Variants in RAB11FIP4 observed in about 807,000 individuals in gnomAD.
The protein encoded by RAB11FIP4 is rab11 family-interacting protein 4.
RAB11FIP4 carries 23 observed loss-of-function variants against 74.3 expected under a neutral mutation model. The observed-to-expected ratio is 0.31, with a 90% CI of 0.22 to 0.44. The LOEUF (loss-of-function observed/expected upper bound fraction) is 0.44, where lower values mean the gene tolerates loss of function less well. Among genes scored for constraint, RAB11FIP4 ranks in the 20% least tolerant of loss-of-function variants. RAB11FIP4 has a pLI of 1.00. For missense variants in RAB11FIP4, 630 were observed against 863.9 expected (o/e 0.73, Z 3.39); for synonymous variants, 360 against 359.9 (o/e 1.00, Z 0.00).
Position 31,535,317 on chromosome 17 carries a change from C to T in RAB11FIP4, c.*3585C>T, listed in dbSNP as rs1375684031. On this transcript the variant is annotated 3_prime_UTR_variant, in exon 15 of 15. Coordinates refer to ENST00000621161, the MANE Select transcript of RAB11FIP4 (RefSeq NM_032932.6). ...CTGCACGAGGGCCTAAAACAGTGGGCTCAGCTTTGGCTGTGCATTGGAATC... is the reference window on the plus strand; with the variant it reads ...CTGCACGAGGGCCTAAAACAGTGGGTTCAGCTTTGGCTGTGCATTGGAATC... 1 of 151,174 alleles carries T rather than the reference C, an allele frequency of 6.6e-6. No individual in the cohort carries two copies. The highest frequency in any genetic ancestry group is 2.4e-5 in the African/African-American group (1 of 41,122). 9.4% of individuals were successfully genotyped at this position (151,174 alleles called of 1,614,324 possible).
At chr17:31,482,506 A>G (rs1205150053) in intron 3 of RAB11FIP4, among the ~76,000 whole-genome samples, 1 of 151,714 alleles carries the variant, frequency 6.6e-6, no homozygotes, top group Non-Finnish European at 1.5e-5. Context: ...CACAAGAATC[A>G]CCTGAACCCA....
At chr17:31,469,276 A>T (rs1329083757) in intron 3 of RAB11FIP4, among the ~76,000 whole-genome samples, 1 of 152,088 alleles carries the variant, frequency 6.6e-6, no homozygotes, top group Non-Finnish European at 1.5e-5. Context: ...GGGAGGGGTA[A>T]TTGGGCAGTT....
chr17:31,416,955 C>T (rs1042915115), intron 1 of RAB11FIP4, among the ~76,000 whole-genome samples: 6 of 152,116 alleles, frequency 3.9e-5, no homozygotes, highest in African/African-American at 9.7e-5. Context: ...TTGCCTGGCT[C>T]GTAAGCCCTT....
chr17:31,527,632 TTTTGCTTACAAATA>T (rs1433592652), intron 10 of RAB11FIP4, 196 bp from the exon 11 acceptor site: 4 of 54,984 alleles, frequency 7.3e-5, no homozygotes, highest in Non-Finnish European at 1.2e-4. Context: ...TAATTTACTA[TTTTGCTTACAAATA>T]GTCCTTACTA....
chr17:31,485,070 C>T (rs2071887992), intron 3 of RAB11FIP4, among the ~76,000 whole-genome samples: 2 of 152,178 alleles, frequency 1.3e-5, no homozygotes, highest in Admixed American at 6.5e-5. Flanking sequence ...TTATTGAGCA[C>T]CTGCAGCATC....
At chr17:31,505,559 A>G (rs1289856691) in intron 3 of RAB11FIP4, among the ~76,000 whole-genome samples, 3 of 89,290 alleles carry the variant, frequency 3.4e-5, no homozygotes, top group Non-Finnish European at 6.2e-5. Flanking sequence ...TATAATAATA[A>G]TTATAATATA....
chr17:31,502,908 C>T lies in RAB11FIP4; in HGVS notation c.337-14743C>T, dbSNP rs756863818. Among the ~76,000 whole-genome samples, 5 of 152,166 alleles carry T rather than the reference C, an allele frequency of 3.3e-5. No individual in the cohort carries two copies. In the South Asian group the frequency reaches 6.2e-4, roughly 19 times the overall value. On this transcript the variant is annotated intron_variant, in intron 3 of 14. Transcript: ENST00000621161. ...GCAGACAGCCATCTTCTCCCTGTGT[C>T]GTCACATGGTCTTTCCTTTGCGTGT...
At chr17:31,488,991 C>T (rs570199656) in intron 3 of RAB11FIP4, among the ~76,000 whole-genome samples, 1 of 152,332 alleles carries the variant, frequency 6.6e-6, no homozygotes, top group African/African-American at 2.4e-5. Flanking sequence ...TGCAAACTCT[C>T]CAGTGCCTTC....
At chr17:31,395,779 A>G (rs2070923403) in intron 1 of RAB11FIP4, among the ~76,000 whole-genome samples, 1 of 152,170 alleles carries the variant, frequency 6.6e-6, no homozygotes, top group African/African-American at 2.4e-5. Flanking sequence ...TTAGGTAAAA[A>G]CTAAGGAAGT....
At chr17:31,514,755 T>C (rs1256756551) in intron 3 of RAB11FIP4, among the ~76,000 whole-genome samples, 1 of 152,196 alleles carries the variant, frequency 6.6e-6, no homozygotes, top group Non-Finnish European at 1.5e-5. Context: ...TCTTCTGGTC[T>C]CCCTCCTGCC....
intron 3 of RAB11FIP4, among the ~76,000 whole-genome samples, chr17:31,499,876 C>G (rs1280833630): frequency 1.3e-5 from 2 of 152,194 alleles, no homozygotes; most frequent in Non-Finnish European, 2.9e-5. Flanking sequence ...CCTCCCCTGA[C>G]CTGCAGCTTC....
intron 3 of RAB11FIP4, among the ~76,000 whole-genome samples, chr17:31,503,256 C>T (rs1176758175): frequency 6.7e-6 from 1 of 149,700 alleles, no homozygotes; most frequent in Non-Finnish European, 1.5e-5. Context: ...TAGTCTCGAA[C>T]TCCTGACCTC....
At chr17:31,466,940 T>A (rs2071691411) in intron 3 of RAB11FIP4, among the ~76,000 whole-genome samples, 1 of 152,204 alleles carries the variant, frequency 6.6e-6, no homozygotes, top group African/African-American at 2.4e-5. Context: ...AATTTACACT[T>A]CAAATCTCTG....
chr17:31,490,260 C>T lies in RAB11FIP4; in HGVS notation c.337-27391C>T, dbSNP rs962961025. Reference sequence around the variant, plus strand: ...TTCAGACCCAAGGTTTTCTCTTTGGCCGTTCACCTGGGGCCCTTGCAACTC... The same window carrying T: ...TTCAGACCCAAGGTTTTCTCTTTGGTCGTTCACCTGGGGCCCTTGCAACTC... On this transcript the variant is annotated intron_variant, in intron 3 of 14. Transcript: ENST00000621161. Among the ~76,000 whole-genome samples the T allele has an allele frequency of 2.0e-5, 3 of 152,268 alleles. No individual in the cohort carries two copies. The East Asian group carries it at 5.8e-4, about 29-fold the overall frequency.
At chr17:31,421,041 G>A (rs1205709310) in intron 1 of RAB11FIP4, among the ~76,000 whole-genome samples, 2 of 152,150 alleles carry the variant, frequency 1.3e-5, no homozygotes, top group East Asian at 1.9e-4. Flanking sequence ...CCGAGATCAC[G>A]CCATTGCACT....
intron 13 of RAB11FIP4, among the ~76,000 whole-genome samples, chr17:31,529,903 A>G: frequency 6.6e-6 from 1 of 152,218 alleles, no homozygotes; most frequent in Non-Finnish European, 1.5e-5. Context: ...CGCCTGGGTC[A>G]ACTCCAACCA....
At chr17:31,469,837 G>A (rs1043295766) in intron 3 of RAB11FIP4, among the ~76,000 whole-genome samples, 2 of 152,164 alleles carry the variant, frequency 1.3e-5, no homozygotes, top group Non-Finnish European at 2.9e-5. Context: ...ACCGTTTGGC[G>A]GTCCAACTAA....
At chr17:31,438,546 G>T (rs1030535183) in intron 3 of RAB11FIP4, among the ~76,000 whole-genome samples, 2 of 151,724 alleles carry the variant, frequency 1.3e-5, no homozygotes, top group Non-Finnish European at 2.9e-5. Flanking sequence ...CCCACTGACC[G>T]GGCGTCCTCC....
At chr17:31,482,156 C>T (rs545433639) in intron 3 of RAB11FIP4, among the ~76,000 whole-genome samples, 12 of 152,320 alleles carry the variant, frequency 7.9e-5, no homozygotes, top group Admixed American at 6.5e-4. Context: ...CCCAGGCCTC[C>T]TGCATCTTCA....
Sources: allele counts gnomAD v4.1 joint callset (sites outside exome capture counted in the v4.1 genomes callset), GRCh38; gene constraint gnomAD v4.1.1; transcripts MANE v1.5; gene names NCBI Gene and HGNC (gene_info 2026-07-23, HGNC 2026-07-21).